Variants in ITGB1 observed in about 807,000 individuals in gnomAD.
ITGB1 encodes the protein integrin subunit beta 1.
A neutral mutation model predicts 86.5 loss-of-function variants in ITGB1; 24 were observed. That is an observed-to-expected ratio of 0.28 (90% CI 0.20 to 0.39). ITGB1 has a LOEUF of 0.39. Among genes scored for constraint, ITGB1 ranks in the 10% least tolerant of loss-of-function variants. The pLI is 1.00. For synonymous variants in ITGB1, 323 were observed against 316.8 expected (o/e 1.02, Z -0.21); for missense variants, 556 against 946.9 (o/e 0.59, Z 5.42).
intron 1 of ITGB1, among the ~76,000 whole-genome samples, chr10:32,947,895 C>G (rs2095035135): frequency 1.3e-5 from 2 of 152,120 alleles, no homozygotes; most frequent in South Asian, 4.1e-4. Flanking sequence ...ACATTTAAAA[C>G]AATGTCTGGC....
intron 4 of ITGB1, among the ~76,000 whole-genome samples, chr10:32,928,736 T>G (rs928646563): frequency 2.0e-5 from 3 of 150,318 alleles, no homozygotes; most frequent in Admixed American, 1.3e-4. Flanking sequence ...AAATAATTAT[T>G]TATTTATTAT....
chr10:32,946,751 G>C (rs1159320305), intron 1 of ITGB1, among the ~76,000 whole-genome samples: 2 of 27,316 alleles, frequency 7.3e-5, no homozygotes, highest in African/African-American at 1.5e-4. Context: ...TGTATTTCTG[G>C]GGGGGGGGGG....
chr10:32,910,867 TAG>T (rs1219182902), intron 13 of ITGB1, among the ~76,000 whole-genome samples: 1 of 152,014 alleles, frequency 6.6e-6, no homozygotes, highest in Admixed American at 6.6e-5. Flanking sequence ...ACCTCCCAAG[TAG>T]TTGAGATTAC....
At chr10:32,911,285 G>A (rs747433512) in intron 13 of ITGB1, among the ~76,000 whole-genome samples, 163 bp downstream of exon 13, 6 of 152,138 alleles carry the variant, frequency 3.9e-5, no homozygotes, top group Non-Finnish European at 8.8e-5. Context: ...TATACTAGCT[G>A]TTGAGAAAGA....
intron 11 of ITGB1, among the ~76,000 whole-genome samples, chr10:32,913,595 G>A (rs796865827): frequency 1.3e-5 from 2 of 152,042 alleles, no homozygotes; most frequent in African/African-American, 4.8e-5. Flanking sequence ...TGAATGAAAT[G>A]AAGTGAGAAG....
intron 7 of ITGB1, among the ~76,000 whole-genome samples, chr10:32,923,245 A>G (rs1443234461): frequency 6.6e-6 from 1 of 152,218 alleles, no homozygotes; most frequent in Non-Finnish European, 1.5e-5. Flanking sequence ...CGTATAAAAC[A>G]AAGAGTATGA....
At chr10:32,943,370 A>C (rs926839140) in intron 1 of ITGB1, among the ~76,000 whole-genome samples, 2 of 151,754 alleles carry the variant, frequency 1.3e-5, no homozygotes, top group Non-Finnish European at 2.9e-5. Context: ...ATTTTTTTTT[A>C]AATTTTGTAG....
rs1442271379 is a variant in ITGB1 at position 32,936,426 on chromosome 10, C to CA, written c.1-869dup. Among the ~76,000 whole-genome samples, 342 of 148,308 alleles carry CA rather than the reference C, an allele frequency of 2.3e-3. 1 individual carries two copies. The highest frequency in any genetic ancestry group is 7.9e-3 in the African/African-American group (317 of 40,272). ...TGGGCAACAGAGCAGGACTCCATCT[C>CA]AAAAAAAAAGAAAGAAAAGAAAAGA... On this transcript the variant is annotated intron_variant, in intron 1 of 15. Coordinates refer to ENST00000302278, the MANE Select transcript of ITGB1 (RefSeq NM_002211.4).
chr10:32,947,881 TA>T (rs942224983), intron 1 of ITGB1, among the ~76,000 whole-genome samples: 1 of 152,204 alleles, frequency 6.6e-6, no homozygotes, highest in Non-Finnish European at 1.5e-5. Context: ...TTGATACACA[TA>T]AAACATTTAA....
At chr10:32,920,439 T>G in intron 9 of ITGB1, 54 bp from the exon 10 acceptor site, 3 of 1,533,526 alleles carry the variant, frequency 2.0e-6, no homozygotes, top group South Asian at 2.3e-5. Flanking sequence ...GCTACTTGAA[T>G]GCATAAAACC....
intron 3 of ITGB1, among the ~76,000 whole-genome samples, chr10:32,932,289 G>C (rs548980680): frequency 6.6e-6 from 1 of 152,050 alleles, no homozygotes; most frequent in Non-Finnish European, 1.5e-5. Context: ...CTAAGTCTTT[G>C]AAATCTTGTA....
At chr10:32,914,247 C>G (rs906127104) in intron 11 of ITGB1, among the ~76,000 whole-genome samples, 1 of 152,202 alleles carries the variant, frequency 6.6e-6, no homozygotes, top group Non-Finnish European at 1.5e-5. Context: ...TAGGAAGAAA[C>G]TGCATCAGCT....
chr10:32,934,428 C>G (rs930518780), intron 2 of ITGB1, among the ~76,000 whole-genome samples: 3 of 152,140 alleles, frequency 2.0e-5, no homozygotes, highest in Non-Finnish European at 4.4e-5. Context: ...CATTTTATAT[C>G]AGGGACTTGA....
chr10:32,934,296 C>T (rs1031793609), intron 2 of ITGB1, among the ~76,000 whole-genome samples: 1 of 152,216 alleles, frequency 6.6e-6, no homozygotes, highest in Admixed American at 6.5e-5. Flanking sequence ...TCATTATTCC[C>T]TAAACAATAC....
chr10:32,952,508 A>G (rs1156530813), intron 1 of ITGB1, among the ~76,000 whole-genome samples: 1 of 152,224 alleles, frequency 6.6e-6, no homozygotes, highest in Non-Finnish European at 1.5e-5. Flanking sequence ...AAATCATAAT[A>G]TGAAGAAAAT....
intron 1 of ITGB1, chr10:32,955,700 A>T (rs544881428): frequency 6.6e-6 from 1 of 152,284 alleles, no homozygotes; most frequent in African/African-American, 2.4e-5. Context: ...TGTCACTCCC[A>T]GAGTTAGGAA....
chr10:32,949,697 T>A (rs1194124053), intron 1 of ITGB1, among the ~76,000 whole-genome samples: 1 of 152,208 alleles, frequency 6.6e-6, no homozygotes, highest in Non-Finnish European at 1.5e-5. Context: ...TGCAATTGTT[T>A]CCACTGTCAA....
chr10:32,912,572 A>T (rs1248313784), intron 11 of ITGB1, among the ~76,000 whole-genome samples: 1 of 152,218 alleles, frequency 6.6e-6, no homozygotes, highest in Non-Finnish European at 1.5e-5. Flanking sequence ...CTGCTAGCAC[A>T]GCAGTCTGAG....
chr10:32,905,651 G>A (rs1006070880), intron 15 of ITGB1, among the ~76,000 whole-genome samples: 12 of 152,178 alleles, frequency 7.9e-5, no homozygotes, highest in African/African-American at 2.7e-4. Context: ...TGGGAACTCG[G>A]TCAAGTTACA....
Sources: gnomAD v4.1 joint callset for allele counts (sites outside exome capture counted in the v4.1 genomes callset) on GRCh38, gnomAD v4.1.1 for gene constraint, MANE v1.5 for transcripts, NCBI Gene and HGNC (gene_info 2026-07-23, HGNC 2026-07-21) for gene names.